Variants in CASKIN1 observed in about 807,000 individuals in gnomAD.
CASKIN1 encodes the protein CASK interacting protein 1, also known as caskin-1.
A neutral mutation model predicts 117.5 loss-of-function variants in CASKIN1; 42 were observed. That is an observed-to-expected ratio of 0.36 (90% CI 0.28 to 0.46). The LOEUF (loss-of-function observed/expected upper bound fraction) is 0.46. Among genes scored for constraint, CASKIN1 ranks in the 20% least tolerant of loss-of-function variants. CASKIN1 has a pLI of 1.00. For missense variants in CASKIN1, 2,083 were observed against 2,077.3 expected (o/e 1.00, Z -0.05); for synonymous variants, 1,148 against 961.7 (o/e 1.19, Z -3.59).
chr16:2,179,756 GTCGGTGGGCGGGGGT>G lies in CASKIN1; in HGVS notation c.3597_3611del (p.Glu1199_Thr1203del), dbSNP rs756995533. Reference sequence around the variant, plus strand: ...GGGGCAATGGGGGTAGGTGCGCCAGGTCGGTGGGCGGGGGTTCGGCAGGCGGGGGCGGTGGAGGCA... The same window carrying G: ...GGGGCAATGGGGGTAGGTGCGCCAGGTCGGCAGGCGGGGGCGGTGGAGGCA... On this transcript the variant is annotated inframe_deletion, in exon 18 of 20. Transcript: ENST00000343516. This position sits in a 1 kb window ranked among gnomAD's most constrained non-coding sequence, Gnocchi z 5.8. The G allele has an allele frequency of 1.3e-6, 2 of 1,562,024 alleles. No individual in the cohort carries two copies. The highest frequency in any genetic ancestry group is 1.7e-6 in the Non-Finnish European group (2 of 1,159,404).
Position 2,180,433 on chromosome 16 carries a change from C to T in CASKIN1, c.2935G>A (p.Val979Ile). The change falls in exon 18 of 20, where the codon GTC becomes ATC. Residue 979 changes from valine to isoleucine, a missense_variant. Coordinates refer to ENST00000343516, the MANE Select transcript of CASKIN1 (RefSeq NM_020764.4). ...CTGGCCCGCCGGCACTGTGCCCGGA[C>T]CCCCAGCAGGCCATCCTCAGGCTCG... ...DAEPEDGLLG[V>I]RAQCRRASDL... 6.4e-7 allele frequency: 1 copy of T among 1,566,656 alleles called. No individual in the cohort carries two copies. The highest frequency in any genetic ancestry group is 8.6e-7 in the Non-Finnish European group (1 of 1,163,578).
rs2093156401 is a variant in CASKIN1, at chr16:2,179,013, G to A, written c.4088C>T (p.Ala1363Val). The part of the protein sequence containing the change: ...AAAPPAPPEG[A>V]SPGDSARQKL... ...CTGCCGGGCGCTGTCCCCTGGCGAGGCGCCTTCGGGCGGGGCGGGGGGCGC... is the reference window on the plus strand; with the variant it reads ...CTGCCGGGCGCTGTCCCCTGGCGAGACGCCTTCGGGCGGGGCGGGGGGCGC... The change falls in exon 19 of 20, where the codon GCC (alanine) becomes GTC (valine). Residue 1363 changes from alanine (A) to valine (V), a missense_variant. Physicochemically the swap from Ala to Val is moderately conservative, Grantham distance 64 (BLOSUM62 0). This residue lies in a region of CASKIN1 where 1,818 missense variants were observed against 1,688.9 expected (regional missense o/e 1.08). Transcript: ENST00000343516. The surrounding 1 kb of genome is among the most constrained non-coding windows in gnomAD (Gnocchi z 5.8). The A allele has an allele frequency of 8.4e-7, 1 of 1,191,540 alleles. No individual in the cohort carries two copies. Among genetic ancestry groups the A allele is most frequent in the African/African-American group, 1.6e-5 (1 of 62,568 alleles). The allele number at this position is 1,191,540 out of a possible 1,614,324, so 73.8% of individuals were successfully genotyped here. A position where few individuals can be genotyped will look rare whatever the true frequency, so the allele number is the denominator to read the frequency against.
chr16:2,193,245 G>A (rs1386073167), intron 1 of CASKIN1, among the ~76,000 whole-genome samples: 1 of 152,140 alleles, frequency 6.6e-6, no homozygotes, highest in Non-Finnish European at 1.5e-5. Context: ...TCGAACTCCC[G>A]ACCTCAGGTG....
rs2093171021 is a variant in CASKIN1, at chr16:2,182,442, C to G, written c.1630-513G>C. On this transcript the variant is annotated intron_variant, in intron 16 of 19. Coordinates refer to ENST00000343516, the MANE Select transcript of CASKIN1 (RefSeq NM_020764.4). This position sits in a 1 kb window ranked among gnomAD's most constrained non-coding sequence, Gnocchi z 4.1. ...CACACGTGCCAACACCCACAGCAAT[C>G]TGCACCGAGAAACACCCGATCACTC... 6.6e-6 allele frequency among the ~76,000 whole-genome samples: 1 copy of G among 152,122 alleles called. No individual in the cohort carries two copies.
In CASKIN1 at chr16:2,177,988, C is replaced by A. The variant is rs138680218; in HGVS notation, c.*562G>T. 89 of 392,328 alleles carry A rather than the reference C, an allele frequency of 2.3e-4. No individual in the cohort carries two copies. Among genetic ancestry groups the A allele is most frequent in the African/African-American group, 1.6e-3 (75 of 46,942 alleles). The allele number at this position is 392,328 out of a possible 1,614,324, so 24.3% of individuals were successfully genotyped here. On this transcript the variant is annotated 3_prime_UTR_variant, in exon 20 of 20. Coordinates refer to ENST00000343516, the MANE Select transcript of CASKIN1 (RefSeq NM_020764.4). ...TTTTGTCCGGAGCTAGACTTCGTGT[C>A]CTTTCAGTTGGTAAATGGTTTTCTA...
intron 1 of CASKIN1, among the ~76,000 whole-genome samples, chr16:2,193,069 G>A (rs1315424435): frequency 6.6e-6 from 1 of 152,152 alleles, no homozygotes; most frequent in Non-Finnish European, 1.5e-5. Context: ...CCAGGCTGGA[G>A]TGCAATGGTG....
chr16:2,179,629 A>G lies in CASKIN1; in HGVS notation c.3739T>C (p.Ser1247Pro). Residue 1247 changes from serine (S) to proline (P), a missense_variant, in exon 18 of 20, where the codon TCC becomes CCC. Ser to Pro is a moderately conservative substitution (Grantham distance 74). Transcript: ENST00000343516. The surrounding 1 kb of genome is among the most constrained non-coding windows in gnomAD (Gnocchi z 5.8). Reference protein sequence around the residue: ...PKLQGSPTPTSKKVPLPGPGS... With the variant: ...PKLQGSPTPTPKKVPLPGPGS... ...GGGCCTGGCAGCGGCACCTTCTTGG[A>G]GGTGGGTGTGGGCGAGCCCTGGAGC... 1 of 1,471,756 alleles carries G rather than the reference A, an allele frequency of 6.8e-7. No individual in the cohort carries two copies. The highest frequency in any genetic ancestry group is 2.7e-5 in the Admixed American group (1 of 37,692). 91.2% of individuals were successfully genotyped at this position (1,471,756 alleles called of 1,614,324 possible). A position where few individuals can be genotyped will look rare whatever the true frequency, so the allele number is the denominator to read the frequency against.
Position 2,187,318 on chromosome 16 carries a change from C to A in CASKIN1, c.726+35G>T. 2.5e-6 allele frequency: 4 copies of A among 1,613,334 alleles called. No individual in the cohort carries two copies. In the South Asian group the frequency reaches 3.3e-5, roughly 13 times the overall value. On this transcript the variant is annotated intron_variant, in intron 7 of 19. Coordinates refer to ENST00000343516, the MANE Select transcript of CASKIN1 (RefSeq NM_020764.4). ...AGGCTCTGTCAGGAGCCCCTACAGT[C>A]CACTGGGCCCAGCGCCCCTGGGCCC...
intron 1 of CASKIN1, among the ~76,000 whole-genome samples, chr16:2,195,160 G>C (rs911032212): frequency 6.6e-6 from 1 of 152,222 alleles, no homozygotes; most frequent in Non-Finnish European, 1.5e-5. Context: ...TCAGCTCGGG[G>C]CCAGCCTGCA....
At chr16:2,194,070 T>C (rs772732428) in intron 1 of CASKIN1, among the ~76,000 whole-genome samples, 5 of 152,148 alleles carry the variant, frequency 3.3e-5, no homozygotes, top group African/African-American at 1.2e-4. Context: ...ACCAGCCCTC[T>C]CACTGCTATC....
chr16:2,181,739 G>A, intron 17 of CASKIN1, 52 bp downstream of exon 17: 1 of 1,589,236 alleles, frequency 6.3e-7, no homozygotes, highest in Admixed American at 1.7e-5. Flanking sequence ...CTGGTGGCTG[G>A]GGCTTGGGCT....
chr16:2,196,380 G>A lies in CASKIN1; in HGVS notation c.53C>T (p.Thr18Ile). ...VQAVKAEDVGTAQRLLQRPRP... is the reference protein window; with the variant it reads ...VQAVKAEDVGIAQRLLQRPRP... ...CGGCCTCTGCAGCAGCCTCTGCGCGGTCCCTACGTCCTCCGCCTTCACCGC... is the reference window on the plus strand; with the variant it reads ...CGGCCTCTGCAGCAGCCTCTGCGCGATCCCTACGTCCTCCGCCTTCACCGC... The change falls in exon 1 of 20, where the codon ACC becomes ATC. Residue 18 changes from threonine (T) to isoleucine (I), a missense_variant. Thr to Ile is a moderately conservative substitution (Grantham distance 89). This residue lies in a region of CASKIN1 where 62 missense variants were observed against 49.7 expected (regional missense o/e 1.25). Coordinates refer to ENST00000343516, the MANE Select transcript of CASKIN1 (RefSeq NM_020764.4). This position sits in a 1 kb window ranked among gnomAD's most constrained non-coding sequence, Gnocchi z 5.7. 1 of 1,372,670 alleles carries A rather than the reference G, an allele frequency of 7.3e-7. No individual in the cohort carries two copies. Among genetic ancestry groups the A allele is most frequent in the South Asian group, 1.4e-5 (1 of 71,496 alleles). The allele number at this position is 1,372,670 out of a possible 1,614,324, so 85.0% of individuals were successfully genotyped here. A position where few individuals can be genotyped will look rare whatever the true frequency, so the allele number is the denominator to read the frequency against.
In CASKIN1 at chr16:2,180,578, G is replaced by A; in HGVS notation, c.2790C>T (p.Val930=). 6.4e-7 allele frequency: 1 copy of A among 1,568,996 alleles called. No individual in the cohort carries two copies. The highest frequency in any genetic ancestry group is 8.6e-7 in the Non-Finnish European group (1 of 1,164,346). ...VRAPAGADKN[V]NRSQSFAVRP... is the part of the protein sequence containing the mutation. ...GCACGGCAAAGGACTGGCTGCGGTT[G>A]ACGTTCTTGTCGGCACCTGCGGGCG... Residue 930 remains valine, a synonymous_variant, in exon 18 of 20, where the codon GTC becomes GTT. Coordinates refer to ENST00000343516, the MANE Select transcript of CASKIN1 (RefSeq NM_020764.4).
rs755535898 is a variant in CASKIN1, at chr16:2,178,949, C to T, written c.4152G>A (p.Leu1384=). The T allele has an allele frequency of 2.0e-6, 3 of 1,488,626 alleles. No homozygotes were observed. In the South Asian group the frequency reaches 3.8e-5, roughly 19 times the overall value. The allele number at this position is 1,488,626 out of a possible 1,614,324, so 92.2% of individuals were successfully genotyped here. Residue 1384 remains leucine (L), a synonymous_variant, in exon 19 of 20, where the codon CTG becomes CTA. Transcript: ENST00000343516. ...EETSACLAAA[L]QAVEEKIRQE... ...GCCGGATCTTCTCCTCCACCGCCTGCAGCGCCGCGGCCAGGCACGCGCTTG... is the reference window on the plus strand; with the variant it reads ...GCCGGATCTTCTCCTCCACCGCCTGTAGCGCCGCGGCCAGGCACGCGCTTG...
chr16:2,178,169 G>T lies in CASKIN1; in HGVS notation c.*381C>A. ...GGTGGGGCAGGGGGGCCCTGACCTT[G>T]GTCCCCTGTCCCTTGTGCTGCGCCC... On this transcript the variant is annotated 3_prime_UTR_variant, in exon 20 of 20. Coordinates refer to ENST00000343516, the MANE Select transcript of CASKIN1 (RefSeq NM_020764.4). 1 of 486,408 alleles carries T rather than the reference G, an allele frequency of 2.1e-6. No individual in the cohort carries two copies. The highest frequency in any genetic ancestry group is 3.9e-6 in the Non-Finnish European group (1 of 254,766). 30.1% of individuals were successfully genotyped at this position (486,408 alleles called of 1,614,324 possible).
intron 6 of CASKIN1, 90 bp downstream of exon 6, chr16:2,188,937 C>T: frequency 6.6e-7 from 1 of 1,524,328 alleles, no homozygotes; most frequent in Non-Finnish European, 8.8e-7. Flanking sequence ...CCCGCCCTAT[C>T]CCCAAGCCAG....
chr16:2,187,221 G>A lies in CASKIN1; in HGVS notation c.780C>T (p.Ile260=), dbSNP rs773806794. The A allele has an allele frequency of 8.7e-6, 14 of 1,614,074 alleles. No homozygotes were observed. The highest frequency in any genetic ancestry group is 4.4e-5 in the South Asian group (4 of 91,092). ...RNTYSQTALD[I]VHQFTTSQAS... is the part of the protein sequence containing the mutation. ...CCTGGGACGTGGTGAACTGGTGCACGATGTCCAGGGCTGTCTGGCTGTAGG... is the reference window on the plus strand; with the variant it reads ...CCTGGGACGTGGTGAACTGGTGCACAATGTCCAGGGCTGTCTGGCTGTAGG... The change falls in exon 8 of 20, where the codon ATC becomes ATT. Residue 260 remains isoleucine, a synonymous_variant. Transcript: ENST00000343516.
chr16:2,181,977 C>T, intron 16 of CASKIN1, 48 bp from the exon 17 acceptor site: 1 of 1,605,870 alleles, frequency 6.2e-7, no homozygotes, highest in Non-Finnish European at 8.5e-7. Context: ...CTGCCCGCAC[C>T]CTGCCCATCT....
At chr16:2,181,671 C>T (rs2093168636) in intron 17 of CASKIN1, 72 bp from the exon 18 acceptor site, 2 of 391,346 alleles carry the variant, frequency 5.1e-6, no homozygotes, top group Admixed American at 7.8e-5. Context: ...AGGGGCGGGG[C>T]TGGGCTGGGC....
Sources: gnomAD v4.1 joint callset for allele counts (sites outside exome capture counted in the v4.1 genomes callset) on GRCh38, gnomAD v4.1.1 for gene constraint, gnomAD v4.1.1 regional missense constraint, Gnocchi (gnomAD v3.1) non-coding constraint, MANE v1.5 for transcripts, NCBI Gene and HGNC (gene_info 2026-07-23, HGNC 2026-07-21) for gene names.